Variants in BCAR3 observed in about 807,000 individuals in gnomAD.
BCAR3 encodes breast cancer anti-estrogen resistance protein 3.
BCAR3 carries 37 observed loss-of-function variants against 80.1 expected under a neutral mutation model. That is an observed-to-expected ratio of 0.46 (90% CI 0.36 to 0.61). The LOEUF (loss-of-function observed/expected upper bound fraction) is 0.61, where lower values mean the gene tolerates loss of function less well. BCAR3 is among the 20% of genes least tolerant of loss of function. The pLI is 0.00. For missense variants in BCAR3, 978 were observed against 1,068.2 expected (o/e 0.92, Z 1.18); for synonymous variants, 389 against 418.9 (o/e 0.93, Z 0.87).
At chr1:93,742,282 G>A (rs1303659942) in intron 2 of BCAR3, among the ~76,000 whole-genome samples, 3 of 152,182 alleles carry the variant, frequency 2.0e-5, no homozygotes, top group Non-Finnish European at 2.9e-5. Context: ...AATCCAAAGA[G>A]CTCTCTGGAG....
chr1:93,726,243 T>A (rs1357881252), intron 2 of BCAR3, among the ~76,000 whole-genome samples: 1 of 151,696 alleles, frequency 6.6e-6, no homozygotes, highest in Non-Finnish European at 1.5e-5. Context: ...TTAAATATAT[T>A]TTTTTTTGAG....
chr1:93,830,529 C>G (rs113585448), intron 2 of BCAR3, among the ~76,000 whole-genome samples: 4 of 152,280 alleles, frequency 2.6e-5, no homozygotes, highest in East Asian at 3.9e-4. Flanking sequence ...GAAGCTCCCC[C>G]ACTGAGCATC....
intron 2 of BCAR3, among the ~76,000 whole-genome samples, chr1:93,715,985 C>T (rs1235411827): frequency 6.6e-6 from 1 of 152,172 alleles, no homozygotes; most frequent in African/African-American, 2.4e-5. Flanking sequence ...TACTTTGGGC[C>T]ACAAATGTCA....
chr1:93,739,069 A>C (rs1323057643), intron 2 of BCAR3, among the ~76,000 whole-genome samples: 1 of 152,070 alleles, frequency 6.6e-6, no homozygotes, highest in African/African-American at 2.4e-5. Flanking sequence ...ACAATACTGA[A>C]CGTTTTTCGT....
chr1:93,751,914 TA>T (rs1651569510), intron 2 of BCAR3, among the ~76,000 whole-genome samples: 1 of 152,232 alleles, frequency 6.6e-6, no homozygotes, highest in Non-Finnish European at 1.5e-5. Flanking sequence ...TGCCCTGGGT[TA>T]CAGATCCGCC....
intron 3 of BCAR3, among the ~76,000 whole-genome samples, chr1:93,616,146 T>C (rs1675118875): frequency 6.6e-6 from 1 of 152,358 alleles, no homozygotes; most frequent in African/African-American, 2.4e-5. Flanking sequence ...CAGCTCTTGT[T>C]ACCTGAGGTT....
At chr1:93,783,241 G>A (rs1163633887) in intron 2 of BCAR3, among the ~76,000 whole-genome samples, 5 of 152,108 alleles carry the variant, frequency 3.3e-5, no homozygotes, top group African/African-American at 1.2e-4. Context: ...TGACATGTTG[G>A]ACCAGCTAAT....
At chr1:93,579,672 C>T (rs1183789215) in intron 7 of BCAR3, among the ~76,000 whole-genome samples, 1 of 152,042 alleles carries the variant, frequency 6.6e-6, no homozygotes, top group Non-Finnish European at 1.5e-5. Context: ...TCTCCTCCAC[C>T]TAGAGGATCA....
intron 2 of BCAR3, among the ~76,000 whole-genome samples, chr1:93,656,610 CT>C (rs34484122): frequency 2.3e-3 from 312 of 138,062 alleles, no homozygotes; most frequent in Admixed American, 3.4e-3. Context: ...TATCTGAAGT[CT>C]TTTTTTTTTT....
intron 2 of BCAR3, among the ~76,000 whole-genome samples, chr1:93,831,882 T>C (rs1378599563): frequency 6.6e-6 from 1 of 152,198 alleles, no homozygotes; most frequent in Non-Finnish European, 1.5e-5. Flanking sequence ...GCTGAAGGCA[T>C]AGCCAAGGTT....
intron 2 of BCAR3, among the ~76,000 whole-genome samples, chr1:93,667,436 T>C (rs1401204162): frequency 6.6e-6 from 1 of 152,242 alleles, no homozygotes; most frequent in Non-Finnish European, 1.5e-5. Context: ...CTTTATGGTT[T>C]AGAACTTGCT....
intron 3 of BCAR3, among the ~76,000 whole-genome samples, chr1:93,615,570 C>T (rs140254684): frequency 6.6e-6 from 1 of 152,196 alleles, no homozygotes; most frequent in African/African-American, 2.4e-5. Context: ...GAAGGAAGCA[C>T]CAAGGTGGCA....
chr1:93,573,627 ATTATTATTTTTT>A (rs1557838318), intron 8 of BCAR3, among the ~76,000 whole-genome samples: 1 of 138,460 alleles, frequency 7.2e-6, no homozygotes. Flanking sequence ...TATTATTATT[ATTATTATTTTTT>A]TTTTTTTGAG....
chr1:93,606,360 G>A (rs1313991837), intron 3 of BCAR3, among the ~76,000 whole-genome samples: 2 of 152,212 alleles, frequency 1.3e-5, no homozygotes, highest in Non-Finnish European at 2.9e-5. Flanking sequence ...GAGCAAGAAT[G>A]TTTACATCTC....
Position 93,674,712 on chromosome 1 carries a change from G to A in BCAR3, c.219C>T (p.Leu73=). The part of the protein sequence containing the change: ...SCDDFSHMGT[L]PHSKSPRQNS... ...TCTGCCGTGGGGATTTGGAGTGGGG[G>A]AGGGTGCCCATGTGACTGAAGTCAT... The change falls in exon 2 of 12, where the codon CTC becomes CTT. Residue 73 remains leucine (L), a synonymous_variant. Transcript: ENST00000260502. The A allele has an allele frequency of 6.2e-7, 1 of 1,614,094 alleles. No homozygotes were observed. Among genetic ancestry groups the A allele is most frequent in the Non-Finnish European group, 8.5e-7 (1 of 1,180,004 alleles).
At chr1:93,841,779 CCTGA>C (rs755897976) in intron 2 of BCAR3, among the ~76,000 whole-genome samples, 2 of 152,306 alleles carry the variant, frequency 1.3e-5, no homozygotes, top group Admixed American at 6.5e-5. Flanking sequence ...CAGAACCATG[CCTGA>C]CTTTGTCACC....
chr1:93,690,678 T>G (rs1407267729), intron 3 of BCAR3, among the ~76,000 whole-genome samples: 1 of 152,256 alleles, frequency 6.6e-6, no homozygotes, highest in Admixed American at 6.5e-5. Flanking sequence ...GTCTGAATTC[T>G]AGATCAGTTT....
chr1:93,691,661 G>A (rs1649194206), intron 3 of BCAR3, among the ~76,000 whole-genome samples: 1 of 152,102 alleles, frequency 6.6e-6, no homozygotes, highest in Non-Finnish European at 1.5e-5. Context: ...AGCAGAAGGG[G>A]CAGGCAGAGC....
At chr1:93,713,143 T>G (rs1650081377) in intron 2 of BCAR3, among the ~76,000 whole-genome samples, 1 of 152,208 alleles carries the variant, frequency 6.6e-6, no homozygotes, top group Non-Finnish European at 1.5e-5. Flanking sequence ...CATGTTCAAT[T>G]TTATTTCATT....
Sources: allele counts gnomAD v4.1 joint callset (sites outside exome capture counted in the v4.1 genomes callset), GRCh38; gene constraint gnomAD v4.1.1; transcripts MANE v1.5; gene names NCBI Gene and HGNC (gene_info 2026-07-23, HGNC 2026-07-21).